Variants in RAB31 observed in about 807,000 individuals in gnomAD.
RAB31 encodes the protein ras-related protein Rab-31.
A neutral mutation model predicts 25.6 loss-of-function variants in RAB31; 21 were observed. That is an observed-to-expected ratio of 0.82 (90% CI 0.58 to 1.18). The LOEUF is 1.18. Ranked by LOEUF, RAB31 falls within the 50% of genes most tolerant of loss-of-function variation. The probability of loss-of-function intolerance (pLI) is 0.00; values close to 1 mark genes in which losing one functional copy is unlikely to be tolerated. For synonymous variants in RAB31, 87 were observed against 84.0 expected, an observed-to-expected ratio of 1.04 and a Z score of -0.20; for missense variants, 196 against 250.1, an observed-to-expected ratio of 0.78 and a Z score of 1.46.
At chr18:9,739,216 C>T (rs554391354) in intron 1 of RAB31, among the ~76,000 whole-genome samples, 3 of 152,200 alleles carry the variant, frequency 2.0e-5, no homozygotes, top group East Asian at 3.9e-4. Context: ...GGCTTACGCC[C>T]GTAATCCCAG....
chr18:9,723,935 T>A (rs1249843806), intron 1 of RAB31, among the ~76,000 whole-genome samples: 1 of 152,140 alleles, frequency 6.6e-6, no homozygotes, highest in East Asian at 1.9e-4. Context: ...CAAGTTTTGG[T>A]GGGGACAAAC....
Position 9,784,872 on chromosome 18 carries a change from C to G in RAB31, c.120-7282C>G, listed in dbSNP as rs139101642. 9.2e-5 allele frequency among the ~76,000 whole-genome samples: 14 copies of G among 152,028 alleles called. No individual in the cohort carries two copies. The East Asian group carries it at 2.7e-3, about 29-fold the overall frequency. ...CCAGCCAATTTTAGATGATATTGAT[C>G]TATATTCATAGAAAAGGAAAGATTT... On this transcript the variant is annotated intron_variant, in intron 2 of 6. Transcript: ENST00000578921.
At chr18:9,751,431 G>A (rs1173267751) in intron 1 of RAB31, among the ~76,000 whole-genome samples, 1 of 152,210 alleles carries the variant, frequency 6.6e-6, no homozygotes, top group African/African-American at 2.4e-5. Flanking sequence ...GTGCAACAGT[G>A]CCTTTAAACA....
chr18:9,750,727 A>G (rs1023950295), intron 1 of RAB31, among the ~76,000 whole-genome samples: 8 of 152,324 alleles, frequency 5.3e-5, no homozygotes, highest in South Asian at 2.1e-4. Context: ...GGTCTGCAAT[A>G]TTTTTCCTGA....
Position 9,860,896 on chromosome 18 carries a change from A to T in RAB31, c.*1571A>T, listed in dbSNP as rs1470769250. On this transcript the variant is annotated 3_prime_UTR_variant, in exon 7 of 7. Transcript: ENST00000578921. ...AAGAGAGTTCATTGACAGTGTTAGG[A>T]TGTGAAGGCTGGGAAACACTTATTT... is the stretch of plus-strand genomic sequence containing the variant. 1 of 152,172 alleles carries T rather than the reference A, an allele frequency of 6.6e-6. No homozygotes were observed. Among genetic ancestry groups the T allele is most frequent in the Non-Finnish European group, 1.5e-5 (1 of 68,042 alleles). 9.4% of individuals were successfully genotyped at this position (152,172 alleles called of 1,614,324 possible).
chr18:9,806,376 T>A (rs1391532850), intron 3 of RAB31, among the ~76,000 whole-genome samples: 2 of 152,132 alleles, frequency 1.3e-5, no homozygotes, highest in East Asian at 3.9e-4. Flanking sequence ...AGGGAAGGGT[T>A]CTCAGGGAGG....
intron 5 of RAB31, among the ~76,000 whole-genome samples, chr18:9,824,206 A>G (rs1394447753): frequency 6.7e-6 from 1 of 149,772 alleles, no homozygotes; most frequent in Non-Finnish European, 1.5e-5. Context: ...GTGGATGTAG[A>G]TGTGTTTGTA....
rs142768151 is a variant in RAB31, at chr18:9,744,397, A to G, written c.40-30881A>G. ...ATTCATTTCAACATTCCTTTACTCC[A>G]TATATACTTATGCTTCTCTGACTTC... On this transcript the variant is annotated intron_variant, in intron 1 of 6. Coordinates refer to ENST00000578921, the MANE Select transcript of RAB31 (RefSeq NM_006868.4). Among the ~76,000 whole-genome samples, 67 of 152,358 alleles carry G rather than the reference A, an allele frequency of 4.4e-4. No homozygotes were observed. In the East Asian group the frequency reaches 0.012, roughly 27 times the overall value.
At chr18:9,710,307 C>T (rs536075420) in intron 1 of RAB31, among the ~76,000 whole-genome samples, 1 of 152,342 alleles carries the variant, frequency 6.6e-6, no homozygotes, top group East Asian at 1.9e-4. Context: ...CAGATGATCT[C>T]TTAAGATACA....
chr18:9,772,543 T>A (rs77454917), intron 1 of RAB31, among the ~76,000 whole-genome samples: 1,580 of 152,288 alleles, frequency 0.01, 19 homozygotes, highest in African/African-American at 0.036. Context: ...TCTAGCCTGC[T>A]GTTGGCATGG....
intron 2 of RAB31, among the ~76,000 whole-genome samples, chr18:9,784,395 A>G (rs1349636931): frequency 1.3e-5 from 2 of 152,248 alleles, no homozygotes; most frequent in Non-Finnish European, 2.9e-5. Context: ...CAAAGATGTA[A>G]TTATAAGGAT....
chr18:9,831,570 A>G (rs1436852999), intron 5 of RAB31, among the ~76,000 whole-genome samples: 4 of 152,182 alleles, frequency 2.6e-5, no homozygotes, highest in Non-Finnish European at 4.4e-5. Context: ...AATCAGGGTA[A>G]TGAGCCTCAG....
chr18:9,845,160 G>A (rs997914974), intron 5 of RAB31, among the ~76,000 whole-genome samples: 1 of 152,166 alleles, frequency 6.6e-6, no homozygotes. Flanking sequence ...TCTCTGATTT[G>A]TGAAAGATAA....
At chr18:9,709,474 G>A (rs1368882224) in intron 1 of RAB31, among the ~76,000 whole-genome samples, 1 of 152,190 alleles carries the variant, frequency 6.6e-6, no homozygotes, top group Non-Finnish European at 1.5e-5. Flanking sequence ...TGTGCGAACT[G>A]ATCTGTCAAG....
At chr18:9,718,952 A>G (rs915403475) in intron 1 of RAB31, among the ~76,000 whole-genome samples, 4 of 152,010 alleles carry the variant, frequency 2.6e-5, no homozygotes, top group Non-Finnish European at 5.9e-5. Flanking sequence ...TATTCAGACC[A>G]TAACATAAAG....
intron 6 of RAB31, among the ~76,000 whole-genome samples, chr18:9,851,580 C>T (rs767120433): frequency 2.0e-5 from 3 of 152,134 alleles, no homozygotes; most frequent in South Asian, 2.1e-4. Context: ...AGGCAGGCTC[C>T]GGGGCACATG....
At chr18:9,710,977 A>G (rs1239817108) in intron 1 of RAB31, among the ~76,000 whole-genome samples, 5 of 145,560 alleles carry the variant, frequency 3.4e-5, no homozygotes, top group Non-Finnish European at 7.5e-5. Context: ...AGGACATTTT[A>G]TTTGAAAGAC....
intron 1 of RAB31, among the ~76,000 whole-genome samples, chr18:9,722,455 C>G (rs1179993188): frequency 1.3e-5 from 2 of 152,160 alleles, no homozygotes; most frequent in Non-Finnish European, 2.9e-5. Context: ...TGATGCGTAC[C>G]TCGGAATCCA....
At chr18:9,830,943 T>C (rs1410580352) in intron 5 of RAB31, among the ~76,000 whole-genome samples, 1 of 152,244 alleles carries the variant, frequency 6.6e-6, no homozygotes. Flanking sequence ...GGATGTGAAG[T>C]CCACTGTTTT....
Sources: allele counts gnomAD v4.1 joint callset (sites outside exome capture counted in the v4.1 genomes callset), GRCh38; gene constraint gnomAD v4.1.1; transcripts MANE v1.5; gene names NCBI Gene and HGNC (gene_info 2026-07-23, HGNC 2026-07-21).